MROH1: variants seen among roughly 807,000 people sequenced by gnomAD.
The protein encoded by MROH1 is maestro heat like repeat family member 1, also known as maestro heat-like repeat-containing protein family member 1.
MROH1 carries 117 observed loss-of-function variants against 116.5 expected under a neutral mutation model. The ratio of observed to expected loss-of-function variants is 1.00; its 90% CI spans 0.86 to 1.17. MROH1 has a LOEUF of 1.17. Among genes scored for constraint, MROH1 ranks in the 50% most tolerant of loss-of-function variants. The pLI, the probability that MROH1 is intolerant of heterozygous loss-of-function variation, is 0.00. For synonymous variants in MROH1, 921 were observed against 583.9 expected, an observed-to-expected ratio of 1.58 and a Z score of -8.32; for missense variants, 1,873 against 1,338.5, an observed-to-expected ratio of 1.40 and a Z score of -6.23.
Position 144,239,080 on chromosome 8 carries a change from ACTGGGG to A in MROH1, c.1494_1499del (p.Gly499_Ala500del). ...CCAGTTCCTCACCCCTGTGCGCTTC[ACTGGGG>A]CCCTGACTCCGCTCTGCAGGAGCCT... On this transcript the variant is annotated inframe_deletion, in exon 16 of 44. Coordinates refer to ENST00000326134, the MANE Select transcript of MROH1 (RefSeq NM_032450.3). 1 of 777,604 alleles carries A rather than the reference ACTGGGG, an allele frequency of 1.3e-6. No homozygotes were observed. The highest frequency in any genetic ancestry group is 1.7e-5 in the Admixed American group (1 of 59,038). The allele number at this position is 777,604 out of a possible 1,614,324, so 48.2% of individuals were successfully genotyped here. A position where few individuals can be genotyped will look rare whatever the true frequency, so the allele number is the denominator to read the frequency against.
intron 14 of MROH1, among the ~76,000 whole-genome samples, chr8:144,237,935 G>A (rs991829130): frequency 0.074 from 11,322 of 152,090 alleles, 1,429 homozygotes; most frequent in African/African-American, 0.26. Flanking sequence ...CTTTATTAAC[G>A]CAAATGATTC....
chr8:144,205,785 G>T (rs923518044), intron 12 of MROH1, among the ~76,000 whole-genome samples: 8 of 152,054 alleles, frequency 5.3e-5, no homozygotes, highest in Non-Finnish European at 1.0e-4. Flanking sequence ...GCCTATCTTA[G>T]ATACTTTTAT....
chr8:144,261,901 G>A lies in MROH1; in HGVS notation c.*161G>A, dbSNP rs1036388048. ...AAACCCAAGCCCTTCAGTGAGGGAT[G>A]TGCCCAATAAACTCATCTGCTCCCA... is the stretch of plus-strand genomic sequence containing the variant. On this transcript the variant is annotated 3_prime_UTR_variant, in exon 44 of 44. Transcript: ENST00000326134. 8.6e-5 allele frequency: 57 copies of A among 663,356 alleles called. No homozygotes were observed. The highest frequency in any genetic ancestry group is 1.4e-4 in the Non-Finnish European group (51 of 367,914). The allele number at this position is 663,356 out of a possible 1,614,324, so 41.1% of individuals were successfully genotyped here. A position where few individuals can be genotyped will look rare whatever the true frequency, so the allele number is the denominator to read the frequency against.
At position 144,260,779 on chromosome 8, in the gene MROH1, G is replaced by A. The variant is rs1023436991; in HGVS notation, c.4483G>A (p.Gly1495Arg). 2.1e-5 allele frequency: 16 copies of A among 778,666 alleles called. No individual in the cohort carries two copies. Among genetic ancestry groups the A allele is most frequent in the African/African-American group, 1.7e-4 (10 of 59,270 alleles). The allele number at this position is 778,666 out of a possible 1,614,324, so 48.2% of individuals were successfully genotyped here. Residue 1495 changes from glycine (G) to arginine (R), a missense_variant, in exon 40 of 44, where the codon GGG (glycine) becomes AGG (arginine). Coordinates refer to ENST00000326134, the MANE Select transcript of MROH1 (RefSeq NM_032450.3). ...EDVFLDQVVGGLAPLLLHLQD... is the reference protein window; with the variant it reads ...EDVFLDQVVGRLAPLLLHLQD... ...CGTCTTCCTGGACCAGGTGGTGGGC[G>A]GGCTGGCGCCCCTGCTGCTGCACCT...
intron 12 of MROH1, among the ~76,000 whole-genome samples, chr8:144,202,730 A>G (rs865845300): frequency 1.4e-4 from 13 of 95,026 alleles, no homozygotes; most frequent in African/African-American, 5.6e-4. Flanking sequence ...GAGCCTGGAG[A>G]GGAGCGCCCG....
At chr8:144,257,004 T>TGGCTCAGACCAC (rs1843981396) in intron 35 of MROH1, among the ~76,000 whole-genome samples, 1 of 151,996 alleles carries the variant, frequency 6.6e-6, no homozygotes, top group Admixed American at 6.6e-5. Flanking sequence ...GCTCAGACCA[T>TGGCTCAGACCAC]GAGGCCCAGC....
At chr8:144,157,505 T>A (rs1481509589) in intron 1 of MROH1, among the ~76,000 whole-genome samples, 3 of 152,080 alleles carry the variant, frequency 2.0e-5, no homozygotes, top group African/African-American at 7.3e-5. Context: ...CTTCCATGTT[T>A]GGTAGAATTC....
chr8:144,244,679 C>T (rs1220950461), intron 28 of MROH1, 140 bp downstream of exon 28: 5 of 667,274 alleles, frequency 7.5e-6, no homozygotes, highest in Non-Finnish European at 1.4e-5. Context: ...TATGAACAGG[C>T]AGGTGCACCC....
At chr8:144,225,687 G>A (rs559932670) in intron 14 of MROH1, among the ~76,000 whole-genome samples, 29 of 152,020 alleles carry the variant, frequency 1.9e-4, no homozygotes, top group African/African-American at 5.3e-4. Context: ...GAGTAGCTGG[G>A]ATCACAGGCA....
At chr8:144,257,866 G>A (rs1259809114) in intron 35 of MROH1, among the ~76,000 whole-genome samples, 5 of 152,376 alleles carry the variant, frequency 3.3e-5, no homozygotes, top group Middle Eastern at 3.4e-3. Flanking sequence ...GTCCAAAGGC[G>A]GCGGGGGCCT....
chr8:144,234,527 T>G (rs1839678189), intron 14 of MROH1, among the ~76,000 whole-genome samples: 1 of 99,804 alleles, frequency 1.0e-5, no homozygotes, highest in Non-Finnish European at 1.9e-5. Flanking sequence ...TTTTTTTTTT[T>G]TTTTTTTCAA....
At position 144,219,124 on chromosome 8, in the gene MROH1, G is replaced by A. The variant is rs1051390823; in HGVS notation, c.1142-1476G>A. 2.7e-4 allele frequency among the ~76,000 whole-genome samples: 41 copies of A among 151,458 alleles called. 2 individuals are homozygous for A. The highest frequency in any genetic ancestry group is 4.1e-4 in the African/African-American group (17 of 41,274). Reference sequence around the variant, plus strand: ...TGCAAGCTCTGCCTCCCGGGTTCACGCCATTCTCCTGCCTCAGCCTCCCAA... The same window carrying A: ...TGCAAGCTCTGCCTCCCGGGTTCACACCATTCTCCTGCCTCAGCCTCCCAA... On this transcript the variant is annotated intron_variant, in intron 12 of 43. Coordinates refer to ENST00000326134, the MANE Select transcript of MROH1 (RefSeq NM_032450.3).
rs192270327 is a variant in MROH1, at chr8:144,171,793, C to T, written c.168+3353C>T. On this transcript the variant is annotated intron_variant, in intron 4 of 43. Coordinates refer to ENST00000326134, the MANE Select transcript of MROH1 (RefSeq NM_032450.3). ...CTGCCTGACCATCACCTGATGACCG[C>T]CTGACATTCCTAGTTGGGGGCCTCT... 8.5e-5 allele frequency among the ~76,000 whole-genome samples: 13 copies of T among 152,330 alleles called. No homozygotes were observed. In the East Asian group the frequency reaches 2.3e-3, roughly 27 times the overall value.
chr8:144,151,102 G>A (rs1023984045), intron 1 of MROH1, among the ~76,000 whole-genome samples: 3 of 151,950 alleles, frequency 2.0e-5, no homozygotes, highest in South Asian at 2.1e-4. Context: ...ACAAAAATTC[G>A]TCGAGTGTGG....
At chr8:144,153,981 C>G (rs1044858306) in intron 1 of MROH1, among the ~76,000 whole-genome samples, 1 of 152,146 alleles carries the variant, frequency 6.6e-6, no homozygotes, top group Admixed American at 6.6e-5. Flanking sequence ...AGGATGGTCT[C>G]GATCTCTTGA....
At chr8:144,235,495 T>C (rs1839900856) in intron 14 of MROH1, among the ~76,000 whole-genome samples, 2 of 152,340 alleles carry the variant, frequency 1.3e-5, no homozygotes, top group Non-Finnish European at 2.9e-5. Context: ...CTGTGGGGCT[T>C]CATCAGGTCA....
intron 12 of MROH1, among the ~76,000 whole-genome samples, chr8:144,201,447 A>C (rs1388071488): frequency 6.6e-6 from 1 of 152,212 alleles, no homozygotes; most frequent in Non-Finnish European, 1.5e-5. Flanking sequence ...GCTCTTCCGC[A>C]GGTCAGTGCA....
At chr8:144,250,041 G>T (rs1429192318) in intron 32 of MROH1, among the ~76,000 whole-genome samples, 171 bp from the exon 33 acceptor site, 1 of 152,302 alleles carries the variant, frequency 6.6e-6, no homozygotes, top group African/African-American at 2.4e-5. Context: ...TTGGCTTCTG[G>T]GCTGTCCGTG....
Position 144,180,251 on chromosome 8 carries a change from T to C in MROH1, c.374T>C (p.Val125Ala). 1 of 1,612,228 alleles carries C rather than the reference T, an allele frequency of 6.2e-7. No homozygotes were observed. Among genetic ancestry groups the C allele is most frequent in the Non-Finnish European group, 8.5e-7 (1 of 1,179,746 alleles). Residue 125 changes from valine (V) to alanine (A), a missense_variant, in exon 6 of 44, where the codon GTG becomes GCG. Physicochemically the swap from Val to Ala is moderately conservative, Grantham distance 64. Transcript: ENST00000326134. The surrounding 1 kb of genome is among the most constrained non-coding windows in gnomAD (Gnocchi z 7.4). ...GTGGGAAGACAGTTCATCAGCAAGG[T>C]GATGGAGGAGCTGCTGCGCAGGCTG... is the stretch of plus-strand genomic sequence containing the variant. ...VAVGRQFISK[V>A]MEELLRRLHP...
Sources: allele counts gnomAD v4.1 joint callset (sites outside exome capture counted in the v4.1 genomes callset), GRCh38; gene constraint gnomAD v4.1.1; non-coding constraint Gnocchi (gnomAD v3.1); transcripts MANE v1.5; gene names NCBI Gene and HGNC (gene_info 2026-07-23, HGNC 2026-07-21).